Variants in ARHGAP26 observed in about 807,000 individuals in gnomAD.
ARHGAP26 encodes Rho GTPase activating protein 26.
Under a neutral mutation model 104.8 loss-of-function variants are expected in ARHGAP26, and 38 were observed. The observed-to-expected ratio is 0.36, with a 90% CI of 0.28 to 0.48. The LOEUF (loss-of-function observed/expected upper bound fraction) is 0.48, where lower values mean the gene tolerates loss of function less well. ARHGAP26 is among the 20% of genes least tolerant of loss of function. The pLI, the probability that ARHGAP26 is intolerant of heterozygous loss-of-function variation, is 0.99. For missense variants in ARHGAP26, 704 were observed against 947.9 expected (o/e 0.74, Z 3.38); for synonymous variants, 341 against 340.0 (o/e 1.00, Z -0.03).
At chr5:142,907,890 G>GA in intron 9 of ARHGAP26, 86 bp downstream of exon 9, 1 of 785,450 alleles carries the variant, frequency 1.3e-6, no homozygotes, top group Non-Finnish European at 1.9e-6. Context: ...CACCTCCAGT[G>GA]TTATATTTAT....
At chr5:143,161,049 T>C (rs1052457097) in intron 20 of ARHGAP26, among the ~76,000 whole-genome samples, 2 of 150,194 alleles carry the variant, frequency 1.3e-5, no homozygotes, top group African/African-American at 2.5e-5. Context: ...TCTTACCTTG[T>C]TGCTCAGGCT....
At chr5:142,873,270 T>C (rs1455845404) in intron 1 of ARHGAP26, 130 bp from the exon 2 acceptor site, 2 of 630,780 alleles carry the variant, frequency 3.2e-6, no homozygotes, top group Non-Finnish European at 5.5e-6. Context: ...TATATTCTTT[T>C]GTGCTTTGAA....
At chr5:143,068,512 C>T (rs868713216) in intron 17 of ARHGAP26, among the ~76,000 whole-genome samples, 2 of 152,202 alleles carry the variant, frequency 1.3e-5, no homozygotes, top group African/African-American at 4.8e-5. Flanking sequence ...ACACTAGAGC[C>T]GATTGACTCC....
At chr5:142,885,853 G>T (rs1757624715) in intron 5 of ARHGAP26, among the ~76,000 whole-genome samples, 1 of 152,112 alleles carries the variant, frequency 6.6e-6, no homozygotes, top group Admixed American at 6.5e-5. Flanking sequence ...ACCAGCACTT[G>T]ACATTAGTTT....
rs547014905 is a variant in ARHGAP26 at position 142,958,933 on chromosome 5, A to G, written c.1107+26808A>G. ...AAAAAAAAAAAAGAAAAAAAAAAAG[A>G]AAGGAAAATATATAGAGGAAAATGT... On this transcript the variant is annotated intron_variant, in intron 11 of 22. Coordinates refer to ENST00000645722, the MANE Select transcript of ARHGAP26 (RefSeq NM_001135608.3). Among the ~76,000 whole-genome samples, 3 of 151,154 alleles carry G rather than the reference A, an allele frequency of 2.0e-5. No individual in the cohort carries two copies. The South Asian group carries it at 6.3e-4, about 32-fold the overall frequency.
At chr5:143,043,935 A>G (rs900108492) in intron 14 of ARHGAP26, among the ~76,000 whole-genome samples, 1 of 152,222 alleles carries the variant, frequency 6.6e-6, no homozygotes, top group Non-Finnish European at 1.5e-5. Context: ...TGGTGGCTAC[A>G]GCAAAGGGTA....
intron 20 of ARHGAP26, among the ~76,000 whole-genome samples, chr5:143,167,257 A>G (rs1719429067): frequency 6.7e-6 from 1 of 150,292 alleles, no homozygotes; most frequent in South Asian, 2.1e-4. Context: ...ACTTGAGGTC[A>G]AGAGTTTGAG....
chr5:142,901,502 A>G (rs936312843), intron 6 of ARHGAP26, among the ~76,000 whole-genome samples: 1 of 152,200 alleles, frequency 6.6e-6, no homozygotes, highest in Non-Finnish European at 1.5e-5. Context: ...TCTGTGTAAT[A>G]ACCTGATACT....
chr5:142,858,453 G>A (rs192625257), intron 1 of ARHGAP26, among the ~76,000 whole-genome samples: 6 of 152,244 alleles, frequency 3.9e-5, no homozygotes, highest in Admixed American at 3.3e-4. Flanking sequence ...TTTGTGTGTC[G>A]TGAAGGAGTG....
At chr5:142,963,172 GTATATA>G (rs58576577) in intron 11 of ARHGAP26, among the ~76,000 whole-genome samples, 14 of 89,050 alleles carry the variant, frequency 1.6e-4, no homozygotes, top group Admixed American at 7.5e-4. Context: ...TGGTATATAT[GTATATA>G]TATATATATA....
chr5:142,963,198 A>ATATATGTGTGTGTGTG (rs869247749), intron 11 of ARHGAP26, among the ~76,000 whole-genome samples: 5 of 98,352 alleles, frequency 5.1e-5, no homozygotes, highest in Non-Finnish European at 7.0e-5. Context: ...ATATATATAT[A>ATATATGTGTGTGTGTG]TGTGTGTGTG....
intron 21 of ARHGAP26, among the ~76,000 whole-genome samples, chr5:143,212,683 G>A (rs1343378358): frequency 2.0e-5 from 3 of 152,100 alleles, no homozygotes; most frequent in Non-Finnish European, 2.9e-5. Context: ...CAATAAATTC[G>A]AGATAACCAT....
rs201933685 is a variant in ARHGAP26, at chr5:142,774,268, TA to T, written c.154+3354del. Among the ~76,000 whole-genome samples, 498 of 152,342 alleles carry T rather than the reference TA, an allele frequency of 3.3e-3. 5 individuals are homozygous for T. Among genetic ancestry groups the T allele is most frequent in the African/African-American group, 0.011 (439 of 41,586 alleles). ...AATTCAAACAAATTTTTATAGTTTT[TA>T]TATAACATTGGCTGAAAAACATCCC... On this transcript the variant is annotated intron_variant, in intron 1 of 22. Transcript: ENST00000645722.
intron 1 of ARHGAP26, among the ~76,000 whole-genome samples, chr5:142,813,886 A>T (rs1040966007): frequency 1.3e-5 from 2 of 152,124 alleles, no homozygotes; most frequent in Non-Finnish European, 2.9e-5. Context: ...TCCAAAATAC[A>T]CTCATGTTAC....
chr5:143,128,654 C>CTCGG (rs1796982294), intron 18 of ARHGAP26, among the ~76,000 whole-genome samples: 1 of 152,204 alleles, frequency 6.6e-6, no homozygotes, highest in African/African-American at 2.4e-5. Flanking sequence ...CCACGCAGTC[C>CTCGG]TCGGTCCCAT....
At chr5:142,914,306 A>G (rs1365228476) in intron 10 of ARHGAP26, among the ~76,000 whole-genome samples, 2 of 152,226 alleles carry the variant, frequency 1.3e-5, no homozygotes, top group African/African-American at 4.8e-5. Flanking sequence ...TTTATCAGAA[A>G]TTCGTGGAAA....
At chr5:143,171,790 G>T (rs1396951082) in intron 20 of ARHGAP26, among the ~76,000 whole-genome samples, 1 of 152,198 alleles carries the variant, frequency 6.6e-6, no homozygotes, top group Non-Finnish European at 1.5e-5. Context: ...AAATTGAAGA[G>T]GTGGTAGCAG....
chr5:143,213,885 C>A, intron 21 of ARHGAP26, 112 bp from the exon 22 acceptor site: 1 of 603,698 alleles, frequency 1.7e-6, no homozygotes, highest in Non-Finnish European at 2.8e-6. Flanking sequence ...CAGGCACTTC[C>A]CACGAGAGGG....
chr5:143,085,044 C>CAAAAAAAA (rs56852430), intron 17 of ARHGAP26, among the ~76,000 whole-genome samples: 2 of 61,654 alleles, frequency 3.2e-5, no homozygotes, highest in Non-Finnish European at 7.2e-5. Flanking sequence ...GACTCCATCT[C>CAAAAAAAA]AAAAAAAAAA....
Sources: gnomAD v4.1 joint callset for allele counts (sites outside exome capture counted in the v4.1 genomes callset) on GRCh38, gnomAD v4.1.1 for gene constraint, MANE v1.5 for transcripts, NCBI Gene and HGNC (gene_info 2026-07-23, HGNC 2026-07-21) for gene names.